PLCB1: variants seen among roughly 807,000 people sequenced by gnomAD.
PLCB1 encodes the protein 1-phosphatidylinositol 4,5-bisphosphate phosphodiesterase beta-1.
PLCB1 carries 46 observed loss-of-function variants against 161.8 expected under a neutral mutation model. The observed-to-expected ratio is 0.28, with a 90% confidence interval of 0.22 to 0.36. The LOEUF is 0.36. Ranked by LOEUF, PLCB1 falls within the 10% of genes least tolerant of loss-of-function variation. The pLI is 1.00. For synonymous variants in PLCB1, 517 were observed against 503.7 expected (o/e 1.03, Z -0.35); for missense variants, 1,016 against 1,472.5 (o/e 0.69, Z 5.07).
intron 26 of PLCB1, among the ~76,000 whole-genome samples, chr20:8,771,315 CT>C (rs971734165): frequency 6.6e-5 from 10 of 151,986 alleles, no homozygotes; most frequent in African/African-American, 2.4e-4. Flanking sequence ...CTTATTTTTA[CT>C]TTTTAAAGTG....
At chr20:8,279,018 G>C (rs2123280577) in intron 2 of PLCB1, among the ~76,000 whole-genome samples, 1 of 151,850 alleles carries the variant, frequency 6.6e-6, no homozygotes, top group Non-Finnish European at 1.5e-5. Flanking sequence ...GTGTTGGCAA[G>C]GATGTAGAAA....
intron 25 of PLCB1, among the ~76,000 whole-genome samples, chr20:8,762,101 T>C (rs1272584297): frequency 6.6e-6 from 1 of 151,986 alleles, no homozygotes; most frequent in East Asian, 2.0e-4. Flanking sequence ...TCCCAGCTAC[T>C]CAGGAAGCTG....
intron 3 of PLCB1, among the ~76,000 whole-genome samples, chr20:8,601,531 G>A (rs758490311): frequency 6.6e-6 from 1 of 152,096 alleles, no homozygotes; most frequent in Non-Finnish European, 1.5e-5. Context: ...TATATTATGG[G>A]TTTAAAAATA....
intron 31 of PLCB1, among the ~76,000 whole-genome samples, chr20:8,791,087 A>G (rs1983735317): frequency 6.6e-6 from 1 of 152,074 alleles, no homozygotes; most frequent in East Asian, 1.9e-4. Flanking sequence ...TCACCAGTTT[A>G]CTTCTTATAG....
At chr20:8,704,754 T>A (rs1000926342) in intron 11 of PLCB1, among the ~76,000 whole-genome samples, 3 of 152,112 alleles carry the variant, frequency 2.0e-5, no homozygotes, top group Admixed American at 6.5e-5. Context: ...ACAGAGTTAT[T>A]AAAAGGAACT....
chr20:8,541,574 A>AAGAAAGAAAGAAAGAAAGAAAGAGAGAG (rs1568500318), intron 3 of PLCB1, among the ~76,000 whole-genome samples: 6 of 149,174 alleles, frequency 4.0e-5, no homozygotes, highest in Non-Finnish European at 8.9e-5. Flanking sequence ...GAAAGAAAGA[A>AAGAAAGAAAGAAAGAAAGAAAGAGAGAG]AGAAAGAAAG....
At chr20:8,363,490 AC>A (rs1986608687) in intron 2 of PLCB1, among the ~76,000 whole-genome samples, 1 of 151,894 alleles carries the variant, frequency 6.6e-6, no homozygotes, top group Admixed American at 6.6e-5. Context: ...TTGCTTCTAA[AC>A]CCTCTTTTGA....
At chr20:8,265,876 C>G (rs1171370679) in intron 2 of PLCB1, among the ~76,000 whole-genome samples, 1 of 152,166 alleles carries the variant, frequency 6.6e-6, no homozygotes, top group African/African-American at 2.4e-5. Context: ...CTTAGGAAAT[C>G]ATACAAATGT....
At chr20:8,393,405 C>T (rs764595870) in intron 3 of PLCB1, among the ~76,000 whole-genome samples, 1 of 152,038 alleles carries the variant, frequency 6.6e-6, no homozygotes, top group Non-Finnish European at 1.5e-5. Context: ...GGTGTGGTGG[C>T]TCACATCTGT....
intron 4 of PLCB1, among the ~76,000 whole-genome samples, chr20:8,635,267 G>T (rs1253466996): frequency 6.6e-6 from 1 of 152,104 alleles, no homozygotes; most frequent in Admixed American, 6.6e-5. Context: ...GAAAGGAAGG[G>T]AAAGGAAAGG....
chr20:8,300,496 C>T (rs1983852208), intron 2 of PLCB1, among the ~76,000 whole-genome samples: 1 of 152,122 alleles, frequency 6.6e-6, no homozygotes, highest in Admixed American at 6.5e-5. Context: ...TACTCTCTCA[C>T]AGCACCCTTT....
intron 2 of PLCB1, among the ~76,000 whole-genome samples, chr20:8,219,107 C>G (rs976881776): frequency 2.0e-5 from 3 of 152,124 alleles, no homozygotes; most frequent in Non-Finnish European, 4.4e-5. Context: ...TAATGCACCT[C>G]CATCAATGTG....
Position 8,883,306 on chromosome 20 carries a change from A to ACTC in PLCB1, c.*1458_*1460dup. On this transcript the variant is annotated 3_prime_UTR_variant, in exon 32 of 32. Coordinates refer to ENST00000338037, the MANE Select transcript of PLCB1 (RefSeq NM_015192.4). ...TTACTAAGTATATTTAATTCACTTA[A>ACTC]CTCTGTCTTTATAAGTTCCTATTTT... 1 of 152,214 alleles carries ACTC rather than the reference A, an allele frequency of 6.6e-6. No individual in the cohort carries two copies. The highest frequency in any genetic ancestry group is 2.1e-4 in the South Asian group (1 of 4,824). The allele number at this position is 152,214 out of a possible 1,614,324, so 9.4% of individuals were successfully genotyped here.
At chr20:8,394,713 G>C (rs1007973602) in intron 3 of PLCB1, among the ~76,000 whole-genome samples, 1 of 152,166 alleles carries the variant, frequency 6.6e-6, no homozygotes, top group African/African-American at 2.4e-5. Flanking sequence ...TAGTGCATAT[G>C]TTTAATAGGC....
intron 3 of PLCB1, among the ~76,000 whole-genome samples, chr20:8,561,415 G>T (rs576097692): frequency 6.6e-5 from 10 of 151,998 alleles, no homozygotes; most frequent in Admixed American, 5.3e-4. Flanking sequence ...GTCGGGATAT[G>T]AGCAGTTGAA....
chr20:8,326,238 T>C (rs1229223757), intron 2 of PLCB1, among the ~76,000 whole-genome samples: 1 of 152,212 alleles, frequency 6.6e-6, no homozygotes, highest in Non-Finnish European at 1.5e-5. Context: ...GGAAATTATA[T>C]AGTGATATAT....
chr20:8,537,659 C>T (rs1985108925), intron 3 of PLCB1, among the ~76,000 whole-genome samples: 1 of 152,068 alleles, frequency 6.6e-6, no homozygotes, highest in Admixed American at 6.6e-5. Context: ...ATATTTCTGA[C>T]AATCAGCTAT....
rs759934221 is a variant in PLCB1, at chr20:8,132,535, A to G, written c.-117A>G. On this transcript the variant is annotated 5_prime_UTR_variant, in exon 1 of 32. Transcript: ENST00000338037. The surrounding 1 kb of genome is among the most constrained non-coding windows in gnomAD (Gnocchi z 5.2). ...GAGGCCGGGGAGGCCGGCGGGGAGC[A>G]GAGTCGAGCGCCTCCGGAGCAGAGA... 4 of 540,706 alleles carry G rather than the reference A, an allele frequency of 7.4e-6. No homozygotes were observed. Among genetic ancestry groups the G allele is most frequent in the African/African-American group, 2.0e-5 (1 of 49,580 alleles). 33.5% of individuals were successfully genotyped at this position (540,706 alleles called of 1,614,324 possible).
chr20:8,563,829 C>T (rs570061250), intron 3 of PLCB1, among the ~76,000 whole-genome samples: 81 of 152,174 alleles, frequency 5.3e-4, no homozygotes, highest in Admixed American at 9.2e-4. Context: ...CAAACCACTG[C>T]TCAAGGAAAT....
Sources: gnomAD v4.1 joint callset for allele counts (sites outside exome capture counted in the v4.1 genomes callset) on GRCh38, gnomAD v4.1.1 for gene constraint, Gnocchi (gnomAD v3.1) non-coding constraint, MANE v1.5 for transcripts, NCBI Gene and HGNC (gene_info 2026-07-23, HGNC 2026-07-21) for gene names.